The following LIPJ variants were observed in gnomAD, a reference collection of about 807,000 sequenced individuals.
LIPJ encodes the protein lipase family member J.
In LIPJ, 33 loss-of-function variants were observed where a neutral mutation model predicts 39.8. The ratio of observed to expected loss-of-function variants is 0.83; its 90% CI spans 0.63 to 1.11. The LOEUF is 1.11. Ranked by LOEUF, LIPJ falls within the 50% of genes least tolerant of loss-of-function variation. The pLI is 0.00. For missense variants in LIPJ, 422 were observed against 427.9 expected, an observed-to-expected ratio of 0.99 and a Z score of 0.12; for synonymous variants, 128 against 139.2, an observed-to-expected ratio of 0.92 and a Z score of 0.57.
At chr10:88,596,686 C>A in intron 7 of LIPJ, 104 bp from the exon 8 acceptor site, 1 of 1,118,272 alleles carries the variant, frequency 8.9e-7, no homozygotes, top group Non-Finnish European at 1.3e-6. Context: ...TTTCAAACTA[C>A]TGTGAGATAA....
rs767869553 is a variant in LIPJ at position 88,594,769 on chromosome 10, T to C, written c.432T>C (p.Thr144=). 4.9e-6 allele frequency: 7 copies of C among 1,419,670 alleles called. No individual in the cohort carries two copies. In the East Asian group the frequency reaches 7.3e-5, roughly 15 times the overall value. The allele number at this position is 1,419,670 out of a possible 1,614,324, so 87.9% of individuals were successfully genotyped here. ...TTTATGTAGGCCATTCACAGGGTAC[T>C]ACTATTGGTATGCCAAGAAAGATTA... The change falls in exon 6 of 11, where the codon ACT becomes ACC. Residue 144 remains threonine, a synonymous_variant. Coordinates refer to ENST00000371939, the Ensembl canonical transcript of LIPJ.
chr10:88,608,093 T>C (rs1045144993), downstream of LIPJ, among the ~76,000 whole-genome samples: 7 of 152,296 alleles, frequency 4.6e-5, no homozygotes, highest in East Asian at 1.9e-4. Context: ...TAGTTAACCA[T>C]AGCCTAACCT....
chr10:88,606,194 G>T (rs545329871), intron 10 of LIPJ, among the ~76,000 whole-genome samples: 104 of 152,240 alleles, frequency 6.8e-4, no homozygotes, highest in African/African-American at 2.4e-3. Context: ...CAAAGTTTAT[G>T]CTTTTCCTCC....
the LIPJ span, among the ~76,000 whole-genome samples, chr10:88,612,384 CATAACATTG>C: frequency 6.6e-6 from 1 of 151,854 alleles, no homozygotes; most frequent in African/African-American, 2.4e-5. Flanking sequence ...CATTTACATT[CATAACATTG>C]AATGTAAATG....
chr10:88,607,538 A>G (rs915000616), downstream of LIPJ, among the ~76,000 whole-genome samples: 5 of 152,166 alleles, frequency 3.3e-5, no homozygotes, highest in Non-Finnish European at 7.4e-5. Flanking sequence ...TGGTTGAGTT[A>G]TATTCCTAGG....
At chr10:88,583,527 A>T (rs1850787446), upstream of LIPJ, 1 of 1,155,016 alleles carries the variant, frequency 8.7e-7, no homozygotes, top group Non-Finnish European at 1.1e-6. Context: ...AACAGAGCTG[A>T]CGTTGACCAC....
upstream of LIPJ, chr10:88,583,028 C>T: frequency 6.3e-7 from 1 of 1,593,156 alleles, no homozygotes; most frequent in South Asian, 1.1e-5. Context: ...CAGCAGCCTG[C>T]CCGGCAGTCC....
the LIPJ span, among the ~76,000 whole-genome samples, chr10:88,615,453 T>TG: frequency 6.7e-6 from 1 of 149,448 alleles, no homozygotes; most frequent in Non-Finnish European, 1.5e-5. Context: ...CTTGGGAGGG[T>TG]GGGGCAGGAG....
chr10:88,585,414 G>A (rs151218850), upstream of LIPJ, among the ~76,000 whole-genome samples: 262 of 151,940 alleles, frequency 1.7e-3, no homozygotes, highest in African/African-American at 5.5e-3. Context: ...CTTTTTGACC[G>A]TTTCTCCATT....
chr10:88,593,964 A>G (rs1291045090), exon 5 of LIPJ: 2 of 1,611,918 alleles, frequency 1.2e-6, no homozygotes, highest in Non-Finnish European at 1.7e-6. Context: ...GTTGTTGTAT[A>G]CTTGCAACAT....
chr10:88,594,747 A>C, exon 6 of LIPJ: 1 of 1,550,258 alleles, frequency 6.5e-7, no homozygotes, highest in South Asian at 1.2e-5. Flanking sequence ...GAAATATTTT[A>C]TGTAGGCCAT....
the LIPJ span, among the ~76,000 whole-genome samples, chr10:88,616,932 T>A: frequency 1.3e-5 from 2 of 152,154 alleles, no homozygotes; most frequent in Non-Finnish European, 1.5e-5. Flanking sequence ...CAGTCTCTGC[T>A]TGGTCCCCAG....
the LIPJ span, among the ~76,000 whole-genome samples, chr10:88,621,096 C>T: frequency 6.6e-6 from 1 of 152,152 alleles, no homozygotes; most frequent in Non-Finnish European, 1.5e-5. Flanking sequence ...CAGGCTTCAA[C>T]TTATGAATTT....
At chr10:88,600,404 T>C (rs986413478) in intron 8 of LIPJ, among the ~76,000 whole-genome samples, 8 of 152,200 alleles carry the variant, frequency 5.3e-5, no homozygotes, top group African/African-American at 1.7e-4. Flanking sequence ...TTTAAATCCA[T>C]CTAATAAATT....
intron 6 of LIPJ, 90 bp downstream of exon 6, chr10:88,594,866 C>T (rs1851205663): frequency 1.9e-6 from 1 of 536,710 alleles, no homozygotes; most frequent in Non-Finnish European, 3.2e-6. Context: ...AGCTTCTAGA[C>T]CTGTAAGTAA....
chr10:88,591,535 G>A (rs1407509974), intron 4 of LIPJ, 37 bp downstream of exon 4: 1 of 1,559,008 alleles, frequency 6.4e-7, no homozygotes, highest in Non-Finnish European at 8.7e-7. Context: ...TGACAATCTG[G>A]GGCCTGAAGT....
At chr10:88,596,512 T>A in intron 7 of LIPJ, 96 bp downstream of exon 7, 1 of 1,315,772 alleles carries the variant, frequency 7.6e-7, no homozygotes, top group Non-Finnish European at 1.0e-6. Flanking sequence ...CAACCACAAG[T>A]ATGGATTGAA....
At chr10:88,591,294 C>A in intron 3 of LIPJ, 84 bp from the exon 4 acceptor site, 1 of 1,023,552 alleles carries the variant, frequency 9.8e-7, no homozygotes, top group Non-Finnish European at 1.4e-6. Flanking sequence ...GGTTCATTGT[C>A]ACATAATGCG....
chr10:88,583,031 G>A (rs749159920), upstream of LIPJ: 2 of 1,595,294 alleles, frequency 1.3e-6, no homozygotes, highest in South Asian at 1.1e-5. Context: ...CAGCCTGCCC[G>A]GCAGTCCTCT....
Sources: allele counts gnomAD v4.1 joint callset (sites outside exome capture counted in the v4.1 genomes callset), GRCh38; gene constraint gnomAD v4.1.1; transcripts MANE v1.5; gene names NCBI Gene and HGNC (gene_info 2026-07-23, HGNC 2026-07-21).